TP73: variants seen among roughly 807,000 people sequenced by gnomAD.
The protein encoded by TP73 is p53-like transcription factor.
In TP73, 25 loss-of-function variants were observed where a neutral mutation model predicts 62.5. That is an observed-to-expected ratio of 0.40 (90% CI 0.29 to 0.56). The LOEUF (loss-of-function observed/expected upper bound fraction) is 0.56. TP73 is among the 20% of genes least tolerant of loss of function. The pLI is 0.46. For synonymous variants in TP73, 423 were observed against 377.5 expected (o/e 1.12, Z -1.40); for missense variants, 754 against 913.3 (o/e 0.83, Z 2.25).
At chr1:3,711,144 C>T (rs1188800446) in intron 4 of TP73, among the ~76,000 whole-genome samples, 46 of 152,242 alleles carry the variant, frequency 3.0e-4, no homozygotes, top group Admixed American at 3.0e-3. Context: ...AGAGGTATGG[C>T]CTGCCAGCCA....
chr1:3,733,502 T>C lies in TP73; in HGVS notation c.*423T>C. On this transcript the variant is annotated 3_prime_UTR_variant, in exon 14 of 14. Coordinates refer to ENST00000378295, the MANE Select transcript of TP73 (RefSeq NM_005427.4). ...TCTTTGCTGATGGACTGCCAAAAAG[T>C]ATTTTGCGACATCTTTTGGTTCTGG... 1 of 217,416 alleles carries C rather than the reference T, an allele frequency of 4.6e-6. No individual in the cohort carries two copies. Among genetic ancestry groups the C allele is most frequent in the East Asian group, 1.1e-4 (1 of 9,508 alleles). 13.5% of individuals were successfully genotyped at this position (217,416 alleles called of 1,614,324 possible). A position where few individuals can be genotyped will look rare whatever the true frequency, so the allele number is the denominator to read the frequency against.
At chr1:3,727,817 G>C (rs759761349) in intron 8 of TP73, 47 bp downstream of exon 8, 2 of 1,483,066 alleles carry the variant, frequency 1.3e-6, no homozygotes, top group East Asian at 5.0e-5. Flanking sequence ...AGGAGAAGGG[G>C]ACACATTGGC....
rs768765115 is a variant in TP73 at position 3,730,013 on chromosome 1, C to A, written c.1210C>A (p.Pro404Thr). 7 of 1,597,444 alleles carry A rather than the reference C, an allele frequency of 4.4e-6. No individual in the cohort carries two copies. The South Asian group carries it at 5.5e-5, about 13-fold the overall frequency. ...GCTTCTGAGCAGGAGTCACCTACAG[C>A]CCCCGTCCTACGGGCCGGTCCTCTC... ...QLLQRPSHLQ[P>T]PSYGPVLSPM... The change falls in exon 11 of 14, where the codon CCC becomes ACC. Residue 404 changes from proline to threonine, a missense_variant. Pro to Thr is a conservative substitution (Grantham distance 38). Transcript: ENST00000378295.
intron 6 of TP73, among the ~76,000 whole-genome samples, chr1:3,726,439 G>A (rs1327714671): frequency 2.2e-5 from 3 of 138,380 alleles, no homozygotes; most frequent in African/African-American, 5.8e-5. Context: ...GGGGGTGGAC[G>A]TGTGGGTGGG....
chr1:3,677,156 G>A (rs1205792952), intron 1 of TP73, among the ~76,000 whole-genome samples: 1 of 152,154 alleles, frequency 6.6e-6, no homozygotes, highest in African/African-American at 2.4e-5. Context: ...GGGTCCCGGG[G>A]AAGCTGTGGG....
chr1:3,731,572 A>G lies in TP73; in HGVS notation c.1578+16A>G, dbSNP rs1371580394. 2.5e-6 allele frequency: 4 copies of G among 1,612,112 alleles called. No homozygotes were observed. The South Asian group carries it at 3.3e-5, about 13-fold the overall frequency. On this transcript the variant is annotated intron_variant, in intron 13 of 13. Transcript: ENST00000378295. ...GACCATTGAGGTAACGCCCGGGTGG[A>G]CCCCGCTCTGCAGAGGCAGTAGCTG...
Position 3,729,420 on chromosome 1 carries a change from C to A in TP73, c.1168C>A (p.Arg390=). Residue 390 remains arginine, a synonymous_variant, in exon 10 of 14, where the codon CGG becomes AGG. Transcript: ENST00000378295. The part of the protein sequence containing the change: ...LVPQPLVDSY[R]QQQQLLQRPS... Reference sequence around the variant, plus strand: ...GCCGCAGCCACTGGTGGACTCCTATCGGCAGCAGCAGCAGCTCCTACAGAG... The same window carrying A: ...GCCGCAGCCACTGGTGGACTCCTATAGGCAGCAGCAGCAGCTCCTACAGAG... The A allele has an allele frequency of 1.2e-6, 2 of 1,612,840 alleles. No individual in the cohort carries two copies. The highest frequency in any genetic ancestry group is 1.7e-6 in the Non-Finnish European group (2 of 1,179,976).
At position 3,663,074 on chromosome 1, in the gene TP73, C is replaced by T. The variant is rs931183163; in HGVS notation, c.-34+10433C>T. Among the ~76,000 whole-genome samples the T allele has an allele frequency of 6.6e-6, 1 of 152,120 alleles. No individual in the cohort carries two copies. The highest frequency in any genetic ancestry group is 1.5e-5 in the Non-Finnish European group (1 of 68,012). On this transcript the variant is annotated intron_variant, in intron 1 of 13. Coordinates refer to ENST00000378295, the MANE Select transcript of TP73 (RefSeq NM_005427.4). This position sits in a 1 kb window ranked among gnomAD's most constrained non-coding sequence, Gnocchi z 4.7. Reference sequence around the variant, plus strand: ...TTATCTGGAAACAGTGATCACTGTCCCATTCACAGATGGGGAGGCTGAAGC... The same window carrying T: ...TTATCTGGAAACAGTGATCACTGTCTCATTCACAGATGGGGAGGCTGAAGC...
At chr1:3,686,263 C>T (rs532230321) in intron 3 of TP73, among the ~76,000 whole-genome samples, 5 of 152,350 alleles carry the variant, frequency 3.3e-5, no homozygotes, top group East Asian at 3.9e-4. Context: ...TGGGTCTCCC[C>T]GAACCACGAG....
Position 3,707,580 on chromosome 1 carries a change from A to T in TP73, c.218A>T (p.Asp73Val). 4.3e-6 allele frequency: 7 copies of T among 1,612,010 alleles called. No homozygotes were observed. The highest frequency in any genetic ancestry group is 5.9e-6 in the Non-Finnish European group (7 of 1,179,558). Residue 73 changes from aspartate (D) to valine (V), a missense_variant, in exon 4 of 14, where the codon GAC (aspartate) becomes GTC (valine). Asp to Val is a radical substitution (Grantham distance 152, BLOSUM62 -3). Coordinates refer to ENST00000378295, the MANE Select transcript of TP73 (RefSeq NM_005427.4). ...TTCAATCTGCTGAGCAGCACCATGG[A>T]CCAGATGAGCAGCCGCGCGGCCTCG... is the stretch of plus-strand genomic sequence containing the variant. Reference protein sequence around the residue: ...AQFNLLSSTMDQMSSRAASAS... With the variant: ...AQFNLLSSTMVQMSSRAASAS...
rs61735051 is a variant in TP73 at position 3,732,839 on chromosome 1, G to A, written c.1671G>A (p.Ala557=). 64,537 of 1,611,844 alleles carry A rather than the reference G, an allele frequency of 0.04. 2,107 individuals carry two copies. Among genetic ancestry groups the A allele is most frequent in the East Asian group, 0.17 (7,697 of 44,852 alleles). ...AGCAGGGCCACGACTACAGCACCGC[G>A]CAGCAGCTGCTCCGCTCTAGCAACG... ...DLKQGHDYST[A]QQLLRSSNAA... The change falls in exon 14 of 14, where the codon GCG becomes GCA. Residue 557 remains alanine, a synonymous_variant. Transcript: ENST00000378295.
intron 1 of TP73, among the ~76,000 whole-genome samples, chr1:3,677,916 G>C (rs1462829900): frequency 2.0e-5 from 3 of 151,962 alleles, no homozygotes; most frequent in Non-Finnish European, 4.4e-5. Flanking sequence ...TGTTGCCCAG[G>C]CTGGTCTCAA....
At position 3,734,850 on chromosome 1, in the gene TP73, C is replaced by T. The variant is rs1177075816; in HGVS notation, c.*1771C>T. ...CAGCAGGAACGGGGCTGTCGGCTCT[C>T]AGGGGATCTGGCTGCAGCCAGGGCG... On this transcript the variant is annotated 3_prime_UTR_variant, in exon 14 of 14. Coordinates refer to ENST00000378295, the MANE Select transcript of TP73 (RefSeq NM_005427.4). This position sits in a 1 kb window ranked among gnomAD's most constrained non-coding sequence, Gnocchi z 4.4. The T allele has an allele frequency of 6.6e-6, 1 of 152,292 alleles. No homozygotes were observed. The highest frequency in any genetic ancestry group is 1.5e-5 in the Non-Finnish European group (1 of 68,146). The allele number at this position is 152,292 out of a possible 1,614,324, so 9.4% of individuals were successfully genotyped here.
chr1:3,730,535 G>A (rs1263104131), intron 11 of TP73, among the ~76,000 whole-genome samples: 1 of 152,138 alleles, frequency 6.6e-6, no homozygotes, highest in African/African-American at 2.4e-5. Context: ...CACAAGCCGG[G>A]GGCTCCATTG....
At position 3,723,436 on chromosome 1, in the gene TP73, G is replaced by A. The variant is rs1259294802; in HGVS notation, c.699G>A (p.Arg233=). The change falls in exon 6 of 14, where the codon AGG becomes AGA. Residue 233 remains arginine (R), a synonymous_variant. Transcript: ENST00000378295. ...SQYVDDPVTG[R]QSVVVPYEPP... is the part of the protein sequence containing the mutation. ...ATGTGGATGACCCTGTCACCGGCAGGCAGAGCGTCGTGGTGCCCTATGAGC... is the reference window on the plus strand; with the variant it reads ...ATGTGGATGACCCTGTCACCGGCAGACAGAGCGTCGTGGTGCCCTATGAGC... The A allele has an allele frequency of 1.2e-6, 2 of 1,612,510 alleles. No homozygotes were observed. The highest frequency in any genetic ancestry group is 1.1e-5 in the South Asian group (1 of 91,066).
At chr1:3,706,677 C>G (rs1056350919) in intron 3 of TP73, among the ~76,000 whole-genome samples, 1 of 152,152 alleles carries the variant, frequency 6.6e-6, no homozygotes, top group African/African-American at 2.4e-5. Flanking sequence ...TCTGAGACAT[C>G]GAGGCCAGAC....
Position 3,666,715 on chromosome 1 carries a change from C to T in TP73, c.-34+14074C>T, listed in dbSNP as rs1258966304. On this transcript the variant is annotated intron_variant, in intron 1 of 13. Coordinates refer to ENST00000378295, the MANE Select transcript of TP73 (RefSeq NM_005427.4). This position sits in a 1 kb window ranked among gnomAD's most constrained non-coding sequence, Gnocchi z 6.4. ...AGCAGGAACAAACCGTCCCAGAAGC[C>T]CTTCAGCTCGGAAGTGAGTAAGCAT... Among the ~76,000 whole-genome samples, 2 of 152,124 alleles carry T rather than the reference C, an allele frequency of 1.3e-5. No individual in the cohort carries two copies. Among genetic ancestry groups the T allele is most frequent in the Admixed American group, 1.3e-4 (2 of 15,270 alleles).
chr1:3,706,411 G>A (rs549266758), intron 3 of TP73, among the ~76,000 whole-genome samples: 16 of 142,958 alleles, frequency 1.1e-4, no homozygotes, highest in Non-Finnish European at 2.4e-4. Flanking sequence ...GGTGCCCGCC[G>A]CAGGCCCGGG....
At chr1:3,677,970 G>A (rs1444486760) in intron 1 of TP73, among the ~76,000 whole-genome samples, 1 of 152,128 alleles carries the variant, frequency 6.6e-6, no homozygotes, top group Non-Finnish European at 1.5e-5. Flanking sequence ...CTCCTAAAGT[G>A]TTGGGATTAC....
Sources: allele counts gnomAD v4.1 joint callset (sites outside exome capture counted in the v4.1 genomes callset), GRCh38; gene constraint gnomAD v4.1.1; non-coding constraint Gnocchi (gnomAD v3.1); transcripts MANE v1.5; gene names NCBI Gene and HGNC (gene_info 2026-07-23, HGNC 2026-07-21).